Variants in PRKDC observed in about 807,000 individuals in gnomAD.
The protein encoded by PRKDC is protein kinase, DNA-activated, catalytic subunit, also known as DNA-dependent protein kinase catalytic subunit.
A neutral mutation model predicts 486.9 loss-of-function variants in PRKDC; 82 were observed. The ratio of observed to expected loss-of-function variants is 0.17; its 90% confidence interval spans 0.14 to 0.20. The LOEUF (loss-of-function observed/expected upper bound fraction) is 0.20, where lower values mean the gene tolerates loss of function less well. PRKDC is among the 10% of genes least tolerant of loss of function. The pLI, the probability that PRKDC is intolerant of heterozygous loss-of-function variation, is 1.00. For synonymous variants in PRKDC, 1,895 were observed against 1,837.0 expected (o/e 1.03, Z -0.81); for missense variants, 4,504 against 5,038.2 (o/e 0.89, Z 3.21).
intron 16 of PRKDC, 117 bp from the exon 17 acceptor site, chr8:47,930,904 A>C: frequency 2.0e-6 from 2 of 985,680 alleles, no homozygotes; most frequent in Non-Finnish European, 3.0e-6. Context: ...AGATTGCAAC[A>C]GCGAGAAAGA....
intron 55 of PRKDC, 147 bp from the exon 56 acceptor site, chr8:47,839,393 C>A: frequency 1.5e-6 from 1 of 653,328 alleles, no homozygotes; most frequent in Non-Finnish European, 2.7e-6. Context: ...TTGCCCCACT[C>A]ATGGGTGTGT....
At chr8:47,911,206 G>C (rs116222887) in intron 25 of PRKDC, among the ~76,000 whole-genome samples, 65 of 152,308 alleles carry the variant, frequency 4.3e-4, no homozygotes, top group African/African-American at 1.5e-3. Flanking sequence ...GTAGATGCTG[G>C]AGAGGAAGCA....
chr8:47,843,413 A>G (rs892204412), intron 54 of PRKDC, among the ~76,000 whole-genome samples: 7 of 152,232 alleles, frequency 4.6e-5, no homozygotes, highest in African/African-American at 1.7e-4. Context: ...CATTATATGT[A>G]AAAAGAACCA....
chr8:47,943,517 C>A (rs540393120), intron 9 of PRKDC, among the ~76,000 whole-genome samples, 151 bp from the exon 10 acceptor site: 15 of 152,326 alleles, frequency 9.8e-5, no homozygotes, highest in Non-Finnish European at 1.9e-4. Flanking sequence ...CCTGTCAGAG[C>A]TCTAACACTA....
At chr8:47,868,602 G>T (rs182400300) in intron 40 of PRKDC, among the ~76,000 whole-genome samples, 1 of 152,030 alleles carries the variant, frequency 6.6e-6, no homozygotes, top group Non-Finnish European at 1.5e-5. Context: ...AAAATTCAAT[G>T]GAAGGAGTGG....
chr8:47,779,879 C>T (rs995176251), intron 80 of PRKDC, among the ~76,000 whole-genome samples: 2 of 148,538 alleles, frequency 1.3e-5, no homozygotes, highest in Non-Finnish European at 3.0e-5. Context: ...TGAGCCACCA[C>T]GCCTGGCCTC....
At chr8:47,802,921 G>A (rs953301233) in intron 70 of PRKDC, among the ~76,000 whole-genome samples, 3 of 152,134 alleles carry the variant, frequency 2.0e-5, no homozygotes, top group African/African-American at 7.2e-5. Flanking sequence ...CCAAAGTGCT[G>A]GGATTACAGG....
chr8:47,842,843 A>G (rs2154499971), intron 54 of PRKDC, among the ~76,000 whole-genome samples: 1 of 152,304 alleles, frequency 6.6e-6, no homozygotes, highest in East Asian at 1.9e-4. Flanking sequence ...AAAATGATTC[A>G]AGAGTCAAAA....
intron 72 of PRKDC, among the ~76,000 whole-genome samples, chr8:47,798,857 T>TG (rs2087037662): frequency 6.6e-6 from 1 of 152,014 alleles, no homozygotes; most frequent in Admixed American, 6.6e-5. Flanking sequence ...TCACCCAGGC[T>TG]GGTGTGCAGT....
chr8:47,799,958 A>T (rs1275042740), intron 71 of PRKDC, among the ~76,000 whole-genome samples: 1 of 152,226 alleles, frequency 6.6e-6, no homozygotes, highest in Non-Finnish European at 1.5e-5. Context: ...AAGTCATAAA[A>T]GAACGGTCTA....
rs555554906 is a variant in PRKDC, at chr8:47,777,572, T to C, written c.12042+114A>G. 1,961 of 1,146,186 alleles carry C rather than the reference T, an allele frequency of 1.7e-3. 2 individuals are homozygous for C. Among genetic ancestry groups the C allele is most frequent in the South Asian group, 2.7e-3 (151 of 55,188 alleles). The allele number at this position is 1,146,186 out of a possible 1,614,324, so 71.0% of individuals were successfully genotyped here. A position where few individuals can be genotyped will look rare whatever the true frequency, so the allele number is the denominator to read the frequency against. On this transcript the variant is annotated intron_variant, in intron 84 of 85. Transcript: ENST00000314191. ...CTTTGAGAAATGCTGTACAAAATAA[T>C]GTAAATATTTTCATCAACATGACTC...
At chr8:47,928,154 CTTT>C (rs375267637) in intron 19 of PRKDC, among the ~76,000 whole-genome samples, 1 of 130,982 alleles carries the variant, frequency 7.6e-6, no homozygotes. Flanking sequence ...GCTTGAGGGA[CTTT>C]TTTTTTTTTT....
In PRKDC at chr8:47,830,742, A is replaced by G. The variant is rs2087847339; in HGVS notation, c.8266-6T>C. 1 of 1,613,896 alleles carries G rather than the reference A, an allele frequency of 6.2e-7. No homozygotes were observed. The highest frequency in any genetic ancestry group is 1.3e-5 in the African/African-American group (1 of 75,018). On this transcript the variant is annotated splice_polypyrimidine_tract_variant and splice_region_variant and intron_variant, in intron 60 of 85. Coordinates refer to ENST00000314191, the MANE Select transcript of PRKDC (RefSeq NM_006904.7). ...TTTAACTCACTCTTGATTTCCTATA[A>G]GCACCAGAACCAAAGAAGAAGATGA...
chr8:47,824,117 T>C (rs1054299407), intron 63 of PRKDC, 121 bp from the exon 64 acceptor site: 4 of 1,035,966 alleles, frequency 3.9e-6, no homozygotes, highest in African/African-American at 3.3e-5. Context: ...ACATAAAGTG[T>C]TACTTTAATT....
rs1026397344 is a variant in PRKDC, at chr8:47,862,173, C to T, written c.5920-46G>A. 2.0e-6 allele frequency: 3 copies of T among 1,484,686 alleles called. No homozygotes were observed. The African/African-American group carries it at 4.2e-5, about 21-fold the overall frequency. The allele number at this position is 1,484,686 out of a possible 1,614,324, so 92.0% of individuals were successfully genotyped here. On this transcript the variant is annotated intron_variant, in intron 43 of 85. Transcript: ENST00000314191. ...ATAAAAATAGCTGAATGGTGAAGAT[C>T]CTCATAATCGATGTTACTTTAGAAT...
intron 69 of PRKDC, among the ~76,000 whole-genome samples, chr8:47,806,686 A>T (rs188358501): frequency 1.1e-4 from 17 of 152,356 alleles, no homozygotes; most frequent in African/African-American, 4.1e-4. Flanking sequence ...TAATTCCTAC[A>T]AAGTAAACCT....
rs555783723 is a variant in PRKDC at position 47,885,978 on chromosome 8, T to G, written c.4742A>C (p.Glu1581Ala). Residue 1581 changes from glutamate to alanine, a missense_variant, in exon 36 of 86, where the codon GAG (glutamate) becomes GCG (alanine). Glu to Ala is a moderately radical substitution (Grantham distance 107). This residue lies in a region of PRKDC where 1,969 missense variants were observed against 2,068.9 expected (regional missense o/e 0.95). Coordinates refer to ENST00000314191, the MANE Select transcript of PRKDC (RefSeq NM_006904.7). ...ATTATCCACTGAAGACTGCATGAGC[T>G]CCAATACAGCAAGATCCAGATTTTT... The part of the protein sequence containing the change: ...LLKNLDLAVL[E>A]LMQSSVDNTK... 3.0e-4 allele frequency: 491 copies of G among 1,613,900 alleles called. 3 individuals are homozygous for G. The South Asian group carries it at 5.0e-3, about 17-fold the overall frequency.
rs1563757082 is a variant in PRKDC, at chr8:47,831,851, T to C, written c.8228A>G (p.Tyr2743Cys). The part of the protein sequence containing the change: ...MRDQEKLSLM[Y>C]ARKGVAEQKR... ...TTGCTCAGCAACGCCTTTTCTGGCA[T>C]ACATCAAACTGAGCTTCTCCTGGTC... Residue 2743 changes from tyrosine (Y) to cysteine (C), a missense_variant, in exon 60 of 86, where the codon TAT becomes TGT. Transcript: ENST00000314191. 1.9e-6 allele frequency: 3 copies of C among 1,614,024 alleles called. No individual in the cohort carries two copies. Among genetic ancestry groups the C allele is most frequent in the Non-Finnish European group, 2.5e-6 (3 of 1,179,870 alleles).
intron 64 of PRKDC, 46 bp downstream of exon 64, chr8:47,823,812 A>T: frequency 6.2e-7 from 1 of 1,605,404 alleles, no homozygotes. Context: ...AGCAGAAAAC[A>T]AAAGTGTTGA....
Sources: gnomAD v4.1 joint callset for allele counts (sites outside exome capture counted in the v4.1 genomes callset) on GRCh38, gnomAD v4.1.1 for gene constraint, gnomAD v4.1.1 regional missense constraint, MANE v1.5 for transcripts, NCBI Gene and HGNC (gene_info 2026-07-23, HGNC 2026-07-21) for gene names.